GPR139: variants seen among roughly 807,000 people sequenced by gnomAD.
GPR139 encodes the protein G protein-coupled receptor 139, also known as probable G protein-coupled receptor 139.
GPR139 carries 12 observed loss-of-function variants against 25.8 expected under a neutral mutation model. The ratio of observed to expected loss-of-function variants is 0.47; its 90% CI spans 0.30 to 0.75. The LOEUF is 0.75. Among genes scored for constraint, GPR139 ranks in the 30% least tolerant of loss-of-function variants. The pLI, the probability that GPR139 is intolerant of heterozygous loss-of-function variation, is 0.07. For synonymous variants in GPR139, 184 were observed against 179.9 expected, an observed-to-expected ratio of 1.02 and a Z score of -0.18; for missense variants, 380 against 450.2, an observed-to-expected ratio of 0.84 and a Z score of 1.41.
At chr16:20,071,371 C>T (rs1420350667) in intron 1 of GPR139, among the ~76,000 whole-genome samples, 4 of 152,170 alleles carry the variant, frequency 2.6e-5, no homozygotes, top group Non-Finnish European at 5.9e-5. Flanking sequence ...GCCTGGCCTC[C>T]CCAGTCATTC....
chr16:20,061,003 C>T (rs980689561), intron 1 of GPR139, among the ~76,000 whole-genome samples: 3 of 152,090 alleles, frequency 2.0e-5, no homozygotes, highest in African/African-American at 7.2e-5. Flanking sequence ...TCTTTCATGA[C>T]TTTTTCTCAG....
intron 1 of GPR139, among the ~76,000 whole-genome samples, chr16:20,065,223 G>C (rs1428488193): frequency 6.6e-6 from 1 of 152,078 alleles, no homozygotes; most frequent in Non-Finnish European, 1.5e-5. Context: ...TGAAATTTTT[G>C]AATTAGTTGC....
Position 20,073,865 on chromosome 16 carries a change from G to A in GPR139, c.-249C>T, listed in dbSNP as rs1021655862. The A allele has an allele frequency of 4.5e-6, 2 of 443,276 alleles. No individual in the cohort carries two copies. Among genetic ancestry groups the A allele is most frequent in the African/African-American group, 4.2e-5 (2 of 47,660 alleles). The allele number at this position is 443,276 out of a possible 1,614,324, so 27.5% of individuals were successfully genotyped here. On this transcript the variant is annotated 5_prime_UTR_variant, in exon 1 of 2. Coordinates refer to ENST00000570682, the MANE Select transcript of GPR139 (RefSeq NM_001002911.4). This position sits in a 1 kb window ranked among gnomAD's most constrained non-coding sequence, Gnocchi z 4.7. ...TGCGGGGCGCGCTGCGCGGGGCCTC[G>A]GGAGGGGCTCCCGGAGCCCGTCTGT...
At chr16:20,055,542 C>T (rs1001642525) in intron 1 of GPR139, among the ~76,000 whole-genome samples, 6 of 152,194 alleles carry the variant, frequency 3.9e-5, no homozygotes, top group African/African-American at 1.4e-4. Context: ...GAATTAGATG[C>T]CACCCTCATT....
chr16:20,057,406 G>A (rs182928754), intron 1 of GPR139, among the ~76,000 whole-genome samples: 86 of 152,256 alleles, frequency 5.6e-4, no homozygotes, highest in Admixed American at 2.5e-3. Flanking sequence ...TGATGATGGT[G>A]ATGAAGATAG....
intron 1 of GPR139, among the ~76,000 whole-genome samples, chr16:20,046,269 C>G (rs1321626024): frequency 1.3e-5 from 2 of 152,218 alleles, no homozygotes; most frequent in Non-Finnish European, 2.9e-5. Flanking sequence ...CAAATGTTTA[C>G]TGAGCTGCTC....
In GPR139 at chr16:20,032,106, A is replaced by G. The variant is rs140826186; in HGVS notation, c.691T>C (p.Phe231Leu). The G allele has an allele frequency of 1.7e-4, 269 of 1,614,082 alleles. No homozygotes were observed. The highest frequency in any genetic ancestry group is 1.9e-4 in the Non-Finnish European group (228 of 1,180,036). The change falls in exon 2 of 2, where the codon TTC becomes CTC. Residue 231 changes from phenylalanine (F) to leucine (L), a missense_variant. Transcript: ENST00000570682. ...GTGGCAAAGATGGAGGTAATGGTGAACAAGATGGCGGTGGTCTTCCCCGTG... is the reference window on the plus strand; with the variant it reads ...GTGGCAAAGATGGAGGTAATGGTGAGCAAGATGGCGGTGGTCTTCCCCGTG... ...YSTGKTTAIL[F>L]TITSIFATLW...
intron 1 of GPR139, among the ~76,000 whole-genome samples, chr16:20,039,081 T>G (rs1170554347): frequency 3.9e-5 from 6 of 152,204 alleles, no homozygotes; most frequent in Non-Finnish European, 5.9e-5. Context: ...TTTCTGTCAA[T>G]GGTGTCGTCA....
In GPR139 at chr16:20,030,299, G is replaced by A. The variant is rs2057283062; in HGVS notation, c.*1436C>T. ...CTGCCGTTTTTTGGTCACCAAAAAT[G>A]TCATGCAATTTCAAAGTCAGTTTGG... On this transcript the variant is annotated 3_prime_UTR_variant, in exon 2 of 2. Transcript: ENST00000570682. 6.6e-6 allele frequency among the ~76,000 whole-genome samples: 1 copy of A among 152,104 alleles called. No individual in the cohort carries two copies. Among genetic ancestry groups the A allele is most frequent in the African/African-American group, 2.4e-5 (1 of 41,398 alleles).
intron 1 of GPR139, among the ~76,000 whole-genome samples, chr16:20,041,322 G>A (rs1368054214): frequency 6.7e-6 from 1 of 148,220 alleles, no homozygotes; most frequent in African/African-American, 2.5e-5. Flanking sequence ...CAGCGCTTAT[G>A]TTATGCAGAC....
chr16:20,073,511 A>G lies in GPR139; in HGVS notation c.106T>C (p.Leu36=). The G allele has an allele frequency of 6.2e-7, 1 of 1,611,552 alleles. No individual in the cohort carries two copies. Among genetic ancestry groups the G allele is most frequent in the Non-Finnish European group, 8.5e-7 (1 of 1,179,068 alleles). ...TCACCTGGTAAACCGAGGCACAGCA[A>G]GAGGCTGTAGTAGACCACGGGCACG... The part of the protein sequence containing the change: ...GFVPVVYYSL[L]LCLGLPANIL... The change falls in exon 1 of 2, where the codon TTG becomes CTG. Residue 36 remains leucine, a synonymous_variant. Coordinates refer to ENST00000570682, the MANE Select transcript of GPR139 (RefSeq NM_001002911.4). The surrounding 1 kb of genome is among the most constrained non-coding windows in gnomAD (Gnocchi z 4.7).
chr16:20,060,257 CGT>C (rs903630946), intron 1 of GPR139, among the ~76,000 whole-genome samples: 1 of 146,722 alleles, frequency 6.8e-6, no homozygotes, highest in African/African-American at 2.5e-5. Flanking sequence ...TGTGTGTGTG[CGT>C]GTGTGTGTGT....
intron 1 of GPR139, among the ~76,000 whole-genome samples, chr16:20,047,299 T>C (rs1273614287): frequency 6.6e-6 from 1 of 152,012 alleles, no homozygotes; most frequent in Non-Finnish European, 1.5e-5. Context: ...TTAATAGAGA[T>C]AGGGTTTCAC....
chr16:20,040,715 G>T (rs1172952405), intron 1 of GPR139, among the ~76,000 whole-genome samples: 1 of 151,932 alleles, frequency 6.6e-6, no homozygotes, highest in Non-Finnish European at 1.5e-5. Flanking sequence ...CCTCCTAAAG[G>T]CAGCTAAGAG....
Position 20,032,621 on chromosome 16 carries a change from T to C in GPR139, c.176A>G (p.Gln59Arg), listed in dbSNP as rs2057295029. 3.1e-6 allele frequency: 5 copies of C among 1,611,516 alleles called. No individual in the cohort carries two copies. Among genetic ancestry groups the C allele is most frequent in the Middle Eastern group, 1.7e-4 (1 of 6,052 alleles). Reference protein sequence around the residue: ...IILSQLVARRQKSSYNYLLAL... With the variant: ...IILSQLVARRRKSSYNYLLAL... ...CAAGAGATAGTTGTAGGAGGACTTCTGTCTTCTTGCCACCAGCTGGGAGAG... is the reference window on the plus strand; with the variant it reads ...CAAGAGATAGTTGTAGGAGGACTTCCGTCTTCTTGCCACCAGCTGGGAGAG... Residue 59 changes from glutamine (Q) to arginine (R), a missense_variant, in exon 2 of 2, where the codon CAG (glutamine) becomes CGG (arginine). Gln to Arg is a conservative substitution (Grantham distance 43). Transcript: ENST00000570682.
chr16:20,032,153 T>C lies in GPR139; in HGVS notation c.644A>G (p.Asn215Ser). The C allele has an allele frequency of 1.2e-6, 2 of 1,613,940 alleles. No individual in the cohort carries two copies. Among genetic ancestry groups the C allele is most frequent in the Non-Finnish European group, 1.7e-6 (2 of 1,179,974 alleles). Residue 215 changes from asparagine (N) to serine (S), a missense_variant, in exon 2 of 2, where the codon AAT (asparagine) becomes AGT (serine). Physicochemically the swap from Asn to Ser is conservative, Grantham distance 46. Coordinates refer to ENST00000570682, the MANE Select transcript of GPR139 (RefSeq NM_001002911.4). ...CGTGGAGTAGCCACGGAGACGAAAATTGCTCTTCCTCCTGAGCTTGTACAC... is the reference window on the plus strand; with the variant it reads ...CGTGGAGTAGCCACGGAGACGAAAACTGCTCTTCCTCCTGAGCTTGTACAC... ...IIVYKLRRKS[N>S]FRLRGYSTGK...
In GPR139 at chr16:20,041,229, A is replaced by G. The variant is rs796663836; in HGVS notation, c.128-8560T>C. ...AGGAGAGGAGAGGAGAGGAGAGGAG[A>G]GGAGAGGAGAGGAGAGGAGAGGGAA... On this transcript the variant is annotated intron_variant, in intron 1 of 1. Transcript: ENST00000570682. Among the ~76,000 whole-genome samples the G allele has an allele frequency of 1.8e-3, 9 of 4,992 alleles. 2 individuals carry two copies. The highest frequency in any genetic ancestry group is 5.2e-3 in the African/African-American group (7 of 1,338). The allele number at this position is 4,992 out of a possible 152,430, so 3.3% of individuals were successfully genotyped here.
Position 20,030,380 on chromosome 16 carries a change from TA to T in GPR139, c.*1354del, listed in dbSNP as rs141246456. ...AATACTGGGAATCTGAGGGAGAAGTTAAAAAAAAAAGAAGAAAAAAGAAACA... is the reference window on the plus strand; with the variant it reads ...AATACTGGGAATCTGAGGGAGAAGTTAAAAAAAAAGAAGAAAAAAGAAACA... On this transcript the variant is annotated 3_prime_UTR_variant, in exon 2 of 2. Transcript: ENST00000570682. Among the ~76,000 whole-genome samples, 532 of 147,152 alleles carry T rather than the reference TA, an allele frequency of 3.6e-3. 5 individuals carry two copies. The highest frequency in any genetic ancestry group is 0.01 in the African/African-American group (416 of 40,150).
intron 1 of GPR139, among the ~76,000 whole-genome samples, chr16:20,054,323 G>T (rs2057381921): frequency 6.6e-6 from 1 of 152,100 alleles, no homozygotes; most frequent in African/African-American, 2.4e-5. Context: ...TGCTAGTAAA[G>T]AATCCAAACC....
Sources: allele counts gnomAD v4.1 joint callset (sites outside exome capture counted in the v4.1 genomes callset), GRCh38; gene constraint gnomAD v4.1.1; non-coding constraint Gnocchi (gnomAD v3.1); transcripts MANE v1.5; gene names NCBI Gene and HGNC (gene_info 2026-07-23, HGNC 2026-07-21).